The following ATRNL1 variants were observed in gnomAD, a reference collection of about 807,000 sequenced individuals.
The protein encoded by ATRNL1 is attractin like 1, also known as attractin-like protein 1.
In ATRNL1, 95 loss-of-function variants were observed where a neutral mutation model predicts 182.7. The observed-to-expected ratio is 0.52, with a 90% CI of 0.44 to 0.62. The LOEUF is 0.62. Among genes scored for constraint, ATRNL1 ranks in the 20% least tolerant of loss-of-function variants. The pLI, the probability that ATRNL1 is intolerant of heterozygous loss-of-function variation, is 0.00. For missense variants in ATRNL1, 1,471 were observed against 1,679.5 expected (o/e 0.88, Z 2.17); for synonymous variants, 576 against 568.3 (o/e 1.01, Z -0.19).
At chr10:115,314,544 A>G (rs1197643241) in intron 17 of ATRNL1, among the ~76,000 whole-genome samples, 1 of 152,136 alleles carries the variant, frequency 6.6e-6, no homozygotes, top group Admixed American at 6.6e-5. Context: ...GATGCCGTGT[A>G]TGTCTGTCAG....
intron 28 of ATRNL1, among the ~76,000 whole-genome samples, chr10:115,917,587 G>T (rs1555117697): frequency 6.6e-6 from 1 of 152,056 alleles, no homozygotes; most frequent in African/African-American, 2.4e-5. Context: ...GTGGTTTTTG[G>T]TTTTTTGTTT....
At chr10:115,173,361 T>C (rs2144106947) in intron 8 of ATRNL1, among the ~76,000 whole-genome samples, 1 of 152,104 alleles carries the variant, frequency 6.6e-6, no homozygotes, top group Admixed American at 6.6e-5. Context: ...ATTTCTACTT[T>C]TTAAATTTAT....
At chr10:115,592,657 T>C (rs1282856423) in intron 26 of ATRNL1, among the ~76,000 whole-genome samples, 2 of 152,216 alleles carry the variant, frequency 1.3e-5, no homozygotes, top group African/African-American at 4.8e-5. Flanking sequence ...GTCATTCACT[T>C]GGTGTAATAT....
intron 26 of ATRNL1, among the ~76,000 whole-genome samples, chr10:115,551,965 T>C (rs1853016870): frequency 6.6e-6 from 1 of 151,454 alleles, no homozygotes; most frequent in African/African-American, 2.4e-5. Context: ...TTATTATAAT[T>C]GTTCTATTTC....
At chr10:115,813,703 G>C (rs1350215585) in intron 27 of ATRNL1, among the ~76,000 whole-genome samples, 5 of 152,024 alleles carry the variant, frequency 3.3e-5, no homozygotes, top group African/African-American at 1.2e-4. Context: ...ATTATAAAAT[G>C]GTATTAAATA....
intron 14 of ATRNL1, among the ~76,000 whole-genome samples, chr10:115,281,832 T>C (rs1046449289): frequency 2.1e-4 from 31 of 150,750 alleles, no homozygotes; most frequent in African/African-American, 6.3e-4. Context: ...TAAGTGCCTT[T>C]TATTTTCCAA....
At chr10:115,096,879 A>G (rs941778513) in intron 1 of ATRNL1, 2 of 987,180 alleles carry the variant, frequency 2.0e-6, no homozygotes, top group Non-Finnish European at 2.5e-6. Context: ...CCAAAGCTAG[A>G]CTAAAGGACT....
intron 26 of ATRNL1, among the ~76,000 whole-genome samples, chr10:115,563,366 C>T (rs1853873837): frequency 6.6e-6 from 1 of 152,108 alleles, no homozygotes; most frequent in East Asian, 1.9e-4. Flanking sequence ...TATAGAATTT[C>T]CTTCATTTAA....
chr10:115,761,605 A>C (rs782649404), intron 27 of ATRNL1, among the ~76,000 whole-genome samples: 32 of 152,308 alleles, frequency 2.1e-4, no homozygotes, highest in Non-Finnish European at 4.1e-4. Flanking sequence ...TTACAATGAA[A>C]AGGAAGGACA....
intron 28 of ATRNL1, among the ~76,000 whole-genome samples, chr10:115,872,614 T>C (rs1951610483): frequency 6.6e-6 from 1 of 152,196 alleles, no homozygotes; most frequent in Non-Finnish European, 1.5e-5. Context: ...AGTGCTTATC[T>C]CACAAGTCAA....
intron 25 of ATRNL1, among the ~76,000 whole-genome samples, chr10:115,524,353 T>C (rs1410146714): frequency 6.6e-6 from 1 of 152,182 alleles, no homozygotes; most frequent in Non-Finnish European, 1.5e-5. Context: ...TTTCTTGTTG[T>C]TGCTGTGAAA....
rs560515872 is a variant in ATRNL1, at chr10:115,549,799, T to C, written c.3795+263T>C. 5.3e-5 allele frequency among the ~76,000 whole-genome samples: 8 copies of C among 152,152 alleles called. No individual in the cohort carries two copies. The South Asian group carries it at 1.7e-3, about 32-fold the overall frequency. On this transcript the variant is annotated intron_variant, in intron 26 of 28. Transcript: ENST00000355044. ...GAATTTATAGTGAATACAATTATTA[T>C]GTTTAAAAAATTTTGTAATATATTT...
intron 26 of ATRNL1, among the ~76,000 whole-genome samples, chr10:115,637,788 C>G (rs1858981043): frequency 6.6e-6 from 1 of 151,742 alleles, no homozygotes; most frequent in Admixed American, 6.6e-5. Flanking sequence ...CCACACCCAG[C>G]TAGTTTTTGT....
chr10:115,390,224 T>A (rs1242656317), intron 19 of ATRNL1, among the ~76,000 whole-genome samples: 1 of 152,220 alleles, frequency 6.6e-6, no homozygotes, highest in African/African-American at 2.4e-5. Flanking sequence ...TGTTTATTTT[T>A]GCTTTTGTTT....
intron 25 of ATRNL1, among the ~76,000 whole-genome samples, chr10:115,524,373 A>G (rs996969218): frequency 2.0e-5 from 3 of 152,208 alleles, no homozygotes; most frequent in Admixed American, 1.3e-4. Context: ...ATAATATAGT[A>G]AATAATTCAA....
At chr10:115,211,360 TGC>T (rs1258421586) in intron 8 of ATRNL1, among the ~76,000 whole-genome samples, 2 of 152,010 alleles carry the variant, frequency 1.3e-5, no homozygotes, top group East Asian at 3.9e-4. Context: ...AAAACAGTTG[TGC>T]TACTTCTTTT....
At chr10:115,918,098 CTTTTTT>C (rs534230786) in intron 28 of ATRNL1, among the ~76,000 whole-genome samples, 1 of 123,850 alleles carries the variant, frequency 8.1e-6, no homozygotes, top group Non-Finnish European at 1.7e-5. Context: ...TTTTTAGTGT[CTTTTTT>C]TTTTTTTTTT....
intron 28 of ATRNL1, among the ~76,000 whole-genome samples, chr10:115,900,758 G>A (rs1589666365): frequency 6.6e-6 from 1 of 152,116 alleles, no homozygotes; most frequent in African/African-American, 2.4e-5. Flanking sequence ...CCAACATGAC[G>A]TTATACTGCC....
intron 24 of ATRNL1, among the ~76,000 whole-genome samples, chr10:115,477,722 T>C (rs1429988440): frequency 6.6e-6 from 1 of 151,668 alleles, no homozygotes; most frequent in Non-Finnish European, 1.5e-5. Flanking sequence ...ATGGATAACC[T>C]TGATAGAAGC....
Sources: allele counts gnomAD v4.1 joint callset (sites outside exome capture counted in the v4.1 genomes callset), GRCh38; gene constraint gnomAD v4.1.1; transcripts MANE v1.5; gene names NCBI Gene and HGNC (gene_info 2026-07-23, HGNC 2026-07-21).